Variants in CDC20B observed in about 807,000 individuals in gnomAD.
The protein encoded by CDC20B is cell division cycle protein 20 homolog B.
Under a neutral mutation model 64.1 loss-of-function variants are expected in CDC20B, and 58 were observed. That is an observed-to-expected ratio of 0.90 (90% CI 0.73 to 1.13). The LOEUF (loss-of-function observed/expected upper bound fraction) is 1.13, where lower values mean the gene tolerates loss of function less well. Ranked by LOEUF, CDC20B falls within the 50% of genes most tolerant of loss-of-function variation. The probability of loss-of-function intolerance (pLI) is 0.00; values close to 1 mark genes in which losing one functional copy is unlikely to be tolerated. For synonymous variants in CDC20B, 243 were observed against 230.6 expected, an observed-to-expected ratio of 1.05 and a Z score of -0.49; for missense variants, 597 against 633.0, an observed-to-expected ratio of 0.94 and a Z score of 0.61.
intron 2 of CDC20B, among the ~76,000 whole-genome samples, chr5:55,158,891 G>T (rs1459459659): frequency 1.3e-5 from 2 of 152,196 alleles, no homozygotes; most frequent in Non-Finnish European, 2.9e-5. Context: ...GAAGCAATTA[G>T]ATGACGTGCC....
chr5:55,116,147 G>T (rs754884523), intron 11 of CDC20B, among the ~76,000 whole-genome samples: 1 of 152,152 alleles, frequency 6.6e-6, no homozygotes, highest in South Asian at 2.1e-4. Flanking sequence ...AAACCCTGAT[G>T]AAAGAATCTC....
At chr5:55,172,349 C>A in intron 2 of CDC20B, 1 of 464,146 alleles carries the variant, frequency 2.2e-6, no homozygotes, top group Non-Finnish European at 3.9e-6. Flanking sequence ...CTGACACATC[C>A]CAGCTTTATC....
At position 55,150,829 on chromosome 5, in the gene CDC20B, C is replaced by T. The variant is rs564300732; in HGVS notation, c.127-3973G>A. 5.9e-5 allele frequency among the ~76,000 whole-genome samples: 9 copies of T among 152,220 alleles called. No individual in the cohort carries two copies. In the Middle Eastern group the frequency reaches 0.014, roughly 230 times the overall value. On this transcript the variant is annotated intron_variant, in intron 2 of 11. Transcript: ENST00000381375. ...GCACAATCATGGCTCACCGCAGTCTCGACCTCCCAGAGCTCAAGCGATCCT... is the reference window on the plus strand; with the variant it reads ...GCACAATCATGGCTCACCGCAGTCTTGACCTCCCAGAGCTCAAGCGATCCT...
intron 4 of CDC20B, among the ~76,000 whole-genome samples, chr5:55,141,896 T>C (rs1217494331): frequency 6.6e-6 from 1 of 152,150 alleles, no homozygotes; most frequent in African/African-American, 2.4e-5. Flanking sequence ...CCCCCTGAGT[T>C]GTAACAATGA....
intron 5 of CDC20B, chr5:55,137,775 T>C (rs1743222448): frequency 2.3e-6 from 1 of 427,336 alleles, no homozygotes; most frequent in South Asian, 1.7e-5. Context: ...GAACAAACAC[T>C]ATGGGAGTGA....
chr5:55,141,095 G>A (rs1385271382), intron 4 of CDC20B, among the ~76,000 whole-genome samples: 1 of 152,220 alleles, frequency 6.6e-6, no homozygotes, highest in Non-Finnish European at 1.5e-5. Context: ...GAGGTCTGGA[G>A]GGAGTGGGTG....
rs1472857466 is a variant in CDC20B, at chr5:55,127,242, C to T, written c.989+15G>A. On this transcript the variant is annotated intron_variant, in intron 8 of 11. Coordinates refer to ENST00000381375, the MANE Select transcript of CDC20B (RefSeq NM_001170402.1). ...TTAATACAAACATAACTGTCTCCAACAAGACGCTTCTTACCTGCTGAGGAT... is the reference window on the plus strand; with the variant it reads ...TTAATACAAACATAACTGTCTCCAATAAGACGCTTCTTACCTGCTGAGGAT... 5 of 1,606,396 alleles carry T rather than the reference C, an allele frequency of 3.1e-6. No homozygotes were observed.
intron 2 of CDC20B, chr5:55,160,252 A>C: frequency 1.9e-6 from 3 of 1,614,114 alleles, no homozygotes; most frequent in Middle Eastern, 1.7e-4. Flanking sequence ...AGGTATTTGC[A>C]GTTTTGCTGT....
chr5:55,142,363 C>T (rs978914463), intron 4 of CDC20B, among the ~76,000 whole-genome samples: 1 of 152,144 alleles, frequency 6.6e-6, no homozygotes, highest in Non-Finnish European at 1.5e-5. Flanking sequence ...CTCCTTAACA[C>T]CATAGAACAG....
At chr5:55,145,170 G>A (rs569500416) in intron 3 of CDC20B, among the ~76,000 whole-genome samples, 1 of 152,290 alleles carries the variant, frequency 6.6e-6, no homozygotes, top group South Asian at 2.1e-4. Flanking sequence ...CAATTGCAAT[G>A]AGATACAAAA....
At chr5:55,135,892 A>G (rs1487273056) in intron 5 of CDC20B, 1 of 151,972 alleles carries the variant, frequency 6.6e-6, no homozygotes, top group Non-Finnish European at 1.5e-5. Flanking sequence ...TTAGAAGTTA[A>G]AAGTGTGTAT....
Position 55,161,194 on chromosome 5 carries a change from C to T in CDC20B, c.126+11394G>A, listed in dbSNP as rs1417844494. The T allele has an allele frequency of 4.0e-5, 65 of 1,613,972 alleles. No individual in the cohort carries two copies. In the East Asian group the frequency reaches 1.4e-3, roughly 36 times the overall value. On this transcript the variant is annotated intron_variant, in intron 2 of 11. Coordinates refer to ENST00000381375, the MANE Select transcript of CDC20B (RefSeq NM_001170402.1). ...GAAAAAACTACGGAGTAACTTTCCC[C>T]ATCTTCCACAAGATTAAGATTCTAG... is the stretch of plus-strand genomic sequence containing the variant.
intron 5 of CDC20B, among the ~76,000 whole-genome samples, chr5:55,135,260 A>C (rs1224079091): frequency 6.6e-6 from 1 of 151,840 alleles, no homozygotes; most frequent in Non-Finnish European, 1.5e-5. Context: ...CAGAGAGAGA[A>C]AGAGAGAGGG....
intron 11 of CDC20B, 44 bp downstream of exon 11, chr5:55,119,757 A>G: frequency 8.5e-7 from 1 of 1,170,022 alleles, no homozygotes; most frequent in Non-Finnish European, 1.3e-6. Flanking sequence ...ACAACAGCTC[A>G]CTTTGCTATA....
intron 5 of CDC20B, among the ~76,000 whole-genome samples, chr5:55,134,861 T>C (rs548792082): frequency 2.6e-5 from 4 of 152,324 alleles, no homozygotes; most frequent in Admixed American, 2.6e-4. Context: ...GGAAAAACTA[T>C]AGATACAGTA....
intron 2 of CDC20B, chr5:55,160,772 C>T: frequency 2.0e-6 from 1 of 501,488 alleles, no homozygotes; most frequent in Admixed American, 3.8e-5. Context: ...AATAAACTTT[C>T]ATGAGTATCT....
At chr5:55,116,988 T>C (rs1284821290) in intron 11 of CDC20B, among the ~76,000 whole-genome samples, 2 of 152,166 alleles carry the variant, frequency 1.3e-5, no homozygotes, top group African/African-American at 4.8e-5. Flanking sequence ...AGGTCCTTTT[T>C]AGGCTTTATT....
At chr5:55,170,545 A>G (rs1384561526) in intron 2 of CDC20B, 1 of 534,846 alleles carries the variant, frequency 1.9e-6, no homozygotes, top group Non-Finnish European at 3.8e-6. Flanking sequence ...ATATGCAATA[A>G]GACAGCAGTT....
At chr5:55,170,444 A>G (rs181426960) in intron 2 of CDC20B, 395 of 481,568 alleles carry the variant, frequency 8.2e-4, no homozygotes, top group African/African-American at 7.2e-3. Context: ...TGGCAATAAT[A>G]TATTATGGTA....
Sources: allele counts gnomAD v4.1 joint callset (sites outside exome capture counted in the v4.1 genomes callset), GRCh38; gene constraint gnomAD v4.1.1; transcripts MANE v1.5; gene names NCBI Gene and HGNC (gene_info 2026-07-23, HGNC 2026-07-21).